ITPR2: variants seen among roughly 807,000 people sequenced by gnomAD.
The protein encoded by ITPR2 is inositol 1,4,5-trisphosphate receptor type 2.
Under a neutral mutation model 317.1 loss-of-function variants are expected in ITPR2, and 207 were observed. That is an observed-to-expected ratio of 0.65 (90% CI 0.58 to 0.73). ITPR2 has a LOEUF of 0.73. ITPR2 is among the 30% of genes least tolerant of loss of function. The pLI is 0.00. For synonymous variants in ITPR2, 1,156 were observed against 1,149.1 expected (o/e 1.01, Z -0.12); for missense variants, 2,613 against 3,284.0 (o/e 0.80, Z 4.99).
intron 2 of ITPR2, among the ~76,000 whole-genome samples, chr12:26,764,567 T>A (rs1379110556): frequency 6.6e-6 from 1 of 152,028 alleles, no homozygotes; most frequent in African/African-American, 2.4e-5. Context: ...AGTATACTTA[T>A]GTAACAAACC....
chr12:26,391,973 A>G (rs1939865487), intron 54 of ITPR2, among the ~76,000 whole-genome samples: 2 of 152,100 alleles, frequency 1.3e-5, no homozygotes, highest in South Asian at 4.1e-4. Flanking sequence ...AGGATGCAAG[A>G]CCCAGGCACC....
At chr12:26,679,203 GAATATAC>G in intron 13 of ITPR2, among the ~76,000 whole-genome samples, 1 of 152,238 alleles carries the variant, frequency 6.6e-6, no homozygotes, top group Non-Finnish European at 1.5e-5. Context: ...AGGTGCGACT[GAATATAC>G]AATAGTTGTT....
intron 26 of ITPR2, among the ~76,000 whole-genome samples, chr12:26,605,132 T>TAC (rs1946102714): frequency 7.0e-6 from 1 of 142,156 alleles, no homozygotes; most frequent in African/African-American, 2.5e-5. Context: ...TAAAAATATA[T>TAC]ATATATATAT....
At chr12:26,689,069 A>C (rs1487493273) in intron 10 of ITPR2, among the ~76,000 whole-genome samples, 2 of 152,206 alleles carry the variant, frequency 1.3e-5, no homozygotes, top group African/African-American at 4.8e-5. Context: ...ACATTTTACT[A>C]TACATATGTG....
At chr12:26,437,336 G>A (rs185805876) in intron 47 of ITPR2, among the ~76,000 whole-genome samples, 23 of 152,186 alleles carry the variant, frequency 1.5e-4, no homozygotes, top group Non-Finnish European at 2.6e-4. Flanking sequence ...TCAACCTAGT[G>A]CCTATTGCCT....
rs529730763 is a variant in ITPR2 at position 26,495,510 on chromosome 12, T to C, written c.5074-250A>G. On this transcript the variant is annotated intron_variant, in intron 37 of 56. Transcript: ENST00000381340. ...AGGTGACGAACAGGTTTATGGCAGA[T>C]ATTGTGGTGGTGGTTTCACAGTGTA... 3.4e-5 allele frequency: 13 copies of C among 383,428 alleles called. No individual in the cohort carries two copies. The Admixed American group carries it at 4.7e-4, about 14-fold the overall frequency. 23.8% of individuals were successfully genotyped at this position (383,428 alleles called of 1,614,324 possible).
chr12:26,701,058 TAC>T (rs1348204932), intron 9 of ITPR2, among the ~76,000 whole-genome samples: 1 of 152,150 alleles, frequency 6.6e-6, no homozygotes, highest in African/African-American at 2.4e-5. Context: ...AGAGAGAGAA[TAC>T]AGAGACCCAT....
intron 37 of ITPR2, among the ~76,000 whole-genome samples, chr12:26,516,546 G>C (rs939781317): frequency 6.6e-6 from 1 of 152,076 alleles, no homozygotes; most frequent in Non-Finnish European, 1.5e-5. Flanking sequence ...GAAAGGAAAG[G>C]TGAGAGATGC....
intron 45 of ITPR2, among the ~76,000 whole-genome samples, chr12:26,463,778 C>A (rs7958903): frequency 6.6e-6 from 1 of 151,908 alleles, no homozygotes; most frequent in Non-Finnish European, 1.5e-5. Flanking sequence ...AATATTTATA[C>A]GTAATTAGTC....
chr12:26,350,665 C>T (rs1200767636), intron 55 of ITPR2, among the ~76,000 whole-genome samples: 4 of 152,038 alleles, frequency 2.6e-5, no homozygotes, highest in Admixed American at 1.3e-4. Context: ...TCTCACCCCC[C>T]AGACAACAGC....
intron 52 of ITPR2, among the ~76,000 whole-genome samples, chr12:26,405,578 A>C (rs1467062624): frequency 6.6e-6 from 1 of 152,228 alleles, no homozygotes; most frequent in Non-Finnish European, 1.5e-5. Flanking sequence ...ATAAATTTTA[A>C]AAAATATTGG....
intron 55 of ITPR2, among the ~76,000 whole-genome samples, chr12:26,381,548 G>C (rs1426250878): frequency 6.6e-6 from 1 of 152,146 alleles, no homozygotes; most frequent in Non-Finnish European, 1.5e-5. Flanking sequence ...GCATAACAAA[G>C]ATTTTCTCTA....
chr12:26,478,136 C>T (rs1198254486), intron 43 of ITPR2, among the ~76,000 whole-genome samples: 1 of 152,042 alleles, frequency 6.6e-6, no homozygotes, highest in Non-Finnish European at 1.5e-5. Flanking sequence ...GTAGTTTTAA[C>T]ATCAAATTCT....
intron 37 of ITPR2, among the ~76,000 whole-genome samples, chr12:26,498,494 G>A (rs1361480009): frequency 6.6e-6 from 1 of 152,242 alleles, no homozygotes; most frequent in East Asian, 1.9e-4. Flanking sequence ...AGTAGAAGGA[G>A]ATGCTATGAA....
intron 13 of ITPR2, among the ~76,000 whole-genome samples, chr12:26,668,618 T>C (rs548786609): frequency 1.3e-5 from 2 of 152,178 alleles, no homozygotes; most frequent in African/African-American, 2.4e-5. Flanking sequence ...AAGCTGACAT[T>C]GAGGAAGATA....
At chr12:26,704,264 T>G (rs1407797326) in intron 9 of ITPR2, among the ~76,000 whole-genome samples, 2 of 152,220 alleles carry the variant, frequency 1.3e-5, no homozygotes, top group Non-Finnish European at 2.9e-5. Context: ...GCAATATATG[T>G]TAAAATATTC....
chr12:26,589,270 C>A (rs1314534347), intron 32 of ITPR2, among the ~76,000 whole-genome samples: 3 of 152,008 alleles, frequency 2.0e-5, no homozygotes, highest in African/African-American at 7.2e-5. Context: ...TAAAAATAAT[C>A]TTTTGGGAAA....
intron 1 of ITPR2, among the ~76,000 whole-genome samples, chr12:26,794,628 A>T (rs1260048944): frequency 6.6e-6 from 1 of 152,272 alleles, no homozygotes; most frequent in Admixed American, 6.5e-5. Flanking sequence ...ACAAGATATA[A>T]GTATGACATA....
chr12:26,701,006 A>T (rs1201962471), intron 9 of ITPR2, among the ~76,000 whole-genome samples: 2 of 152,230 alleles, frequency 1.3e-5, no homozygotes, highest in South Asian at 2.1e-4. Context: ...GGCATATCCA[A>T]GATCAAAGGC....
Sources: allele counts gnomAD v4.1 joint callset (sites outside exome capture counted in the v4.1 genomes callset), GRCh38; gene constraint gnomAD v4.1.1; transcripts MANE v1.5; gene names NCBI Gene and HGNC (gene_info 2026-07-23, HGNC 2026-07-21).